UNC13B: variants seen among roughly 807,000 people sequenced by gnomAD.
The protein encoded by UNC13B is unc-13 homolog B.
Under a neutral mutation model 211.0 loss-of-function variants are expected in UNC13B, and 144 were observed. The observed-to-expected ratio is 0.68, with a 90% CI of 0.60 to 0.78. The LOEUF (loss-of-function observed/expected upper bound fraction) is 0.78, where lower values mean the gene tolerates loss of function less well. UNC13B is among the 30% of genes least tolerant of loss of function. The pLI is 0.00. For missense variants in UNC13B, 1,777 were observed against 2,002.0 expected, an observed-to-expected ratio of 0.89 and a Z score of 2.14; for synonymous variants, 709 against 725.8, an observed-to-expected ratio of 0.98 and a Z score of 0.37.
intron 1 of UNC13B, among the ~76,000 whole-genome samples, chr9:35,185,782 G>T (rs553249857): frequency 9.9e-5 from 15 of 151,706 alleles, no homozygotes; most frequent in Admixed American, 4.6e-4. Context: ...AAAAAAAATG[G>T]TGGCACATGT....
At position 35,302,714 on chromosome 9, in the gene UNC13B, G is replaced by A. The variant is rs1014019965; in HGVS notation, c.3310G>A (p.Ala1104Thr). The A allele has an allele frequency of 5.0e-6, 2 of 398,490 alleles. No homozygotes were observed. Among genetic ancestry groups the A allele is most frequent in the Non-Finnish European group, 4.4e-6 (1 of 225,762 alleles). 24.7% of individuals were successfully genotyped at this position (398,490 alleles called of 1,614,324 possible). Reference protein sequence around the residue: ...PLGEDKNLIQAASSVASDSSL... With the variant: ...PLGEDKNLIQTASSVASDSSL... ...AGGAGAAGATAAGAATCTTATACAA[G>A]CAGCATCTTCAGTAGCATCAGACTC... is the stretch of plus-strand genomic sequence containing the variant. The change falls in exon 9 of 40, where the codon GCA (alanine) becomes ACA (threonine). Residue 1104 changes from alanine (A) to threonine (T), a missense_variant. By Grantham distance (58) the Ala-to-Thr change is moderately conservative. Coordinates refer to ENST00000635942, the MANE Select transcript of UNC13B (RefSeq NM_001371189.2).
At chr9:35,313,625 A>AAAATAAATAAAT (rs149145175) in intron 10 of UNC13B, among the ~76,000 whole-genome samples, 3,736 of 133,988 alleles carry the variant, frequency 0.028, 63 homozygotes, top group Non-Finnish European at 0.031. Context: ...ACCCTGTCTC[A>AAAATAAATAAAT]AAATAAATAA....
chr9:35,297,889 A>C (rs951999734), intron 8 of UNC13B, among the ~76,000 whole-genome samples: 1 of 151,922 alleles, frequency 6.6e-6, no homozygotes, highest in African/African-American at 2.4e-5. Context: ...GTTTGATCTC[A>C]TGGTTAAAAA....
chr9:35,184,701 G>GAAGAAAGA (rs57262291), intron 1 of UNC13B, among the ~76,000 whole-genome samples: 50 of 142,702 alleles, frequency 3.5e-4, no homozygotes, highest in Middle Eastern at 3.5e-3. Context: ...GAGGGAGACT[G>GAAGAAAGA]AAGAAAGAAA....
intron 8 of UNC13B, among the ~76,000 whole-genome samples, chr9:35,298,272 T>A (rs1228557872): frequency 2.0e-5 from 3 of 152,052 alleles, no homozygotes; most frequent in African/African-American, 7.2e-5. Flanking sequence ...TAAACAAAAT[T>A]AGCTGGATGT....
At chr9:35,207,475 A>ATTTTTT (rs1170166548) in intron 1 of UNC13B, among the ~76,000 whole-genome samples, 6 of 62,698 alleles carry the variant, frequency 9.6e-5, no homozygotes, top group African/African-American at 3.6e-4. Context: ...AGAAGAAATT[A>ATTTTTT]ATTTTTATTT....
At chr9:35,208,508 A>G (rs867512631) in intron 1 of UNC13B, among the ~76,000 whole-genome samples, 1 of 152,354 alleles carries the variant, frequency 6.6e-6, no homozygotes, top group South Asian at 2.1e-4. Context: ...CAGGCTGTAC[A>G]GGAAGCATGG....
intron 11 of UNC13B, among the ~76,000 whole-genome samples, chr9:35,319,775 C>T (rs1440280375): frequency 6.6e-6 from 1 of 152,040 alleles, no homozygotes; most frequent in Non-Finnish European, 1.5e-5. Flanking sequence ...CCCTTCACCT[C>T]AGCCTCCCAA....
chr9:35,331,178 T>G (rs1831347281), intron 11 of UNC13B, among the ~76,000 whole-genome samples: 1 of 152,242 alleles, frequency 6.6e-6, no homozygotes, highest in Admixed American at 6.5e-5. Flanking sequence ...AAAAACATCC[T>G]TTTGCCAAAG....
chr9:35,218,900 C>T (rs893862950), intron 1 of UNC13B, among the ~76,000 whole-genome samples: 1 of 152,022 alleles, frequency 6.6e-6, no homozygotes, highest in African/African-American at 2.4e-5. Context: ...CAGGCATGCA[C>T]CACCACGCCT....
At chr9:35,244,555 C>G (rs1171964821) in intron 6 of UNC13B, among the ~76,000 whole-genome samples, 1 of 152,160 alleles carries the variant, frequency 6.6e-6, no homozygotes, top group Non-Finnish European at 1.5e-5. Flanking sequence ...CTGTACTCTT[C>G]TGCCTCTGAT....
chr9:35,279,706 T>C (rs1051836631), intron 7 of UNC13B, among the ~76,000 whole-genome samples: 1 of 152,248 alleles, frequency 6.6e-6, no homozygotes, highest in Non-Finnish European at 1.5e-5. Context: ...GGCCAAAGCA[T>C]TGTACATTTA....
chr9:35,349,187 A>G (rs1832559651), intron 11 of UNC13B, among the ~76,000 whole-genome samples: 1 of 152,096 alleles, frequency 6.6e-6, no homozygotes, highest in Non-Finnish European at 1.5e-5. Context: ...AAGTGCTGGG[A>G]TTACAGGCGA....
chr9:35,171,402 T>G (rs1321491206), intron 1 of UNC13B, among the ~76,000 whole-genome samples: 1 of 152,070 alleles, frequency 6.6e-6, no homozygotes, highest in East Asian at 1.9e-4. Flanking sequence ...ATGCCTGGTC[T>G]CAAGTATAGT....
In UNC13B at chr9:35,286,031, G is replaced by A. The variant is rs369881626; in HGVS notation, c.527-9665G>A. ...TGTAAATACAATGCCATTACCACTG[G>A]GGGCTGTGATACTGTGATTTTATAA... On this transcript the variant is annotated intron_variant, in intron 7 of 39. Transcript: ENST00000635942. Among the ~76,000 whole-genome samples, 371 of 152,116 alleles carry A rather than the reference G, an allele frequency of 2.4e-3. 4 individuals are homozygous for A. Among genetic ancestry groups the A allele is most frequent in the African/African-American group, 8.6e-3 (355 of 41,490 alleles).
In UNC13B at chr9:35,162,084, A is replaced by G. The variant is rs1587259465; in HGVS notation, c.-200A>G. 1 of 761,340 alleles carries G rather than the reference A, an allele frequency of 1.3e-6. No homozygotes were observed. The highest frequency in any genetic ancestry group is 1.8e-5 in the African/African-American group (1 of 55,556). 47.2% of individuals were successfully genotyped at this position (761,340 alleles called of 1,614,324 possible). ...GTCCCCAGCCTGCCGGCCGGTACTC[A>G]CCGCTACCCGGAGTTCGCTCAGACG... On this transcript the variant is annotated 5_prime_UTR_variant, in exon 1 of 40. Transcript: ENST00000635942.
intron 12 of UNC13B, among the ~76,000 whole-genome samples, chr9:35,369,404 G>A (rs1368590436): frequency 1.3e-5 from 2 of 152,220 alleles, no homozygotes; most frequent in Admixed American, 6.5e-5. Flanking sequence ...CCAAAGTGAA[G>A]AAGGAATTTT....
At chr9:35,233,678 A>G (rs140853029) in intron 3 of UNC13B, among the ~76,000 whole-genome samples, 1 of 151,888 alleles carries the variant, frequency 6.6e-6, no homozygotes, top group African/African-American at 2.4e-5. Context: ...TATTTCTTAT[A>G]TTATTTGTTT....
intron 8 of UNC13B, among the ~76,000 whole-genome samples, chr9:35,298,026 T>C (rs947943112): frequency 1.3e-5 from 2 of 152,204 alleles, no homozygotes; most frequent in African/African-American, 4.8e-5. Context: ...CTCAATGATA[T>C]TAGCATCCAT....
Sources: gnomAD v4.1 joint callset for allele counts (sites outside exome capture counted in the v4.1 genomes callset) on GRCh38, gnomAD v4.1.1 for gene constraint, MANE v1.5 for transcripts, NCBI Gene and HGNC (gene_info 2026-07-23, HGNC 2026-07-21) for gene names.